CLIP4: variants seen among roughly 807,000 people sequenced by gnomAD.
The protein encoded by CLIP4 is CAP-Gly domain containing linker protein family member 4.
CLIP4 carries 47 observed loss-of-function variants against 73.1 expected under a neutral mutation model. The ratio of observed to expected loss-of-function variants is 0.64; its 90% CI spans 0.51 to 0.82. CLIP4 has a LOEUF of 0.82. CLIP4 is among the 40% of genes least tolerant of loss of function. The pLI, the probability that CLIP4 is intolerant of heterozygous loss-of-function variation, is 0.00. For synonymous variants in CLIP4, 306 were observed against 295.4 expected (o/e 1.04, Z -0.37); for missense variants, 874 against 852.9 (o/e 1.02, Z -0.31).
At chr2:29,111,514 G>A (rs1668386631), upstream of CLIP4, among the ~76,000 whole-genome samples, 1 of 152,228 alleles carries the variant, frequency 6.6e-6, no homozygotes, top group South Asian at 2.1e-4. Flanking sequence ...TTCCCACTCT[G>A]ATTACAAGTG....
At chr2:29,137,704 G>A (rs1299586113) in intron 6 of CLIP4, among the ~76,000 whole-genome samples, 7 of 151,948 alleles carry the variant, frequency 4.6e-5, no homozygotes, top group Non-Finnish European at 7.4e-5. Context: ...TTTTAATAAT[G>A]GCCATTCTGA....
intron 9 of CLIP4, among the ~76,000 whole-genome samples, chr2:29,154,068 T>G (rs555207075): frequency 6.6e-5 from 10 of 152,190 alleles, no homozygotes; most frequent in Non-Finnish European, 1.2e-4. Flanking sequence ...ATCTTTCTGT[T>G]TAATTAGGCC....
intron 6 of CLIP4, among the ~76,000 whole-genome samples, chr2:29,137,942 C>T (rs1216792492): frequency 6.6e-6 from 1 of 151,486 alleles, no homozygotes; most frequent in Non-Finnish European, 1.5e-5. Flanking sequence ...GTATTTTTAC[C>T]CATTCTGTAG....
chr2:29,146,625 C>T (rs913942749), intron 8 of CLIP4, among the ~76,000 whole-genome samples: 6 of 152,052 alleles, frequency 3.9e-5, no homozygotes, highest in East Asian at 1.9e-4. Context: ...TTGTTTTCCA[C>T]GATTGTGTAG....
At chr2:29,147,742 T>A (rs1666268285) in intron 8 of CLIP4, among the ~76,000 whole-genome samples, 1 of 152,202 alleles carries the variant, frequency 6.6e-6, no homozygotes, top group South Asian at 2.1e-4. Flanking sequence ...ACATACACAA[T>A]AAATTGTTGT....
At chr2:29,161,124 G>A (rs1255217399) in intron 12 of CLIP4, among the ~76,000 whole-genome samples, 7 of 152,066 alleles carry the variant, frequency 4.6e-5, no homozygotes, top group East Asian at 1.9e-4. Context: ...ACAGGCATGC[G>A]CCACCACGCC....
At position 29,182,064 on chromosome 2, in the gene CLIP4, T is replaced by A. The variant is rs1668674946; in HGVS notation, c.*171T>A. 1 of 486,826 alleles carries A rather than the reference T, an allele frequency of 2.1e-6. No homozygotes were observed. The highest frequency in any genetic ancestry group is 3.4e-5 in the East Asian group (1 of 29,654). The allele number at this position is 486,826 out of a possible 1,614,324, so 30.2% of individuals were successfully genotyped here. ...TCTTTACAAAGCCATGAATATGAAC[T>A]ATGGGGAATCATGGTTCTTTTAAAG... On this transcript the variant is annotated 3_prime_UTR_variant, in exon 16 of 16. Transcript: ENST00000320081.
At chr2:29,105,856 C>T (rs1440701714) in intron 1 of CLIP4, among the ~76,000 whole-genome samples, 1 of 152,196 alleles carries the variant, frequency 6.6e-6, no homozygotes, top group Non-Finnish European at 1.5e-5. Context: ...CTGCCAGTGC[C>T]TTGATCTTGG....
Position 29,101,107 on chromosome 2 carries a change from TG to T in CLIP4, c.-16+3162del, listed in dbSNP as rs1668029891. On this transcript the variant is annotated intron_variant, in intron 1 of 14. Transcript: ENST00000401605. The stretch of plus-strand genomic sequence containing the variant: ...GAGTTTGAGACCAGCATGGCCAACA[TG>T]GTGAAACCCTGTCTCTACTAAAAAT... Among the ~76,000 whole-genome samples the T allele has an allele frequency of 2.6e-5, 4 of 151,888 alleles. No homozygotes were observed. The South Asian group carries it at 8.3e-4, about 32-fold the overall frequency.
chr2:29,148,504 C>T (rs907370843), intron 8 of CLIP4, among the ~76,000 whole-genome samples: 4 of 152,128 alleles, frequency 2.6e-5, no homozygotes, highest in South Asian at 4.1e-4. Context: ...AAAGTGAATA[C>T]ATATACTTAG....
At chr2:29,169,222 C>T (rs1162993639) in intron 14 of CLIP4, among the ~76,000 whole-genome samples, 2 of 152,118 alleles carry the variant, frequency 1.3e-5, no homozygotes, top group Non-Finnish European at 2.9e-5. Context: ...TTCGGAGGCT[C>T]TAGAAGTCTG....
In CLIP4 at chr2:29,182,785, CT is replaced by C. The variant is rs1293312534; in HGVS notation, c.*896del. 6.6e-6 allele frequency: 1 copy of C among 152,636 alleles called. No individual in the cohort carries two copies. Among genetic ancestry groups the C allele is most frequent in the Non-Finnish European group, 1.5e-5 (1 of 68,036 alleles). 9.5% of individuals were successfully genotyped at this position (152,636 alleles called of 1,614,324 possible). A position where few individuals can be genotyped will look rare whatever the true frequency, so the allele number is the denominator to read the frequency against. On this transcript the variant is annotated 3_prime_UTR_variant, in exon 16 of 16. Transcript: ENST00000320081. ...GTTTGTAACACATAAACACAAAGCA[CT>C]TTTCAAACATGATGCACTTTTATCT... is the stretch of plus-strand genomic sequence containing the variant.
intron 8 of CLIP4, among the ~76,000 whole-genome samples, chr2:29,147,610 G>T (rs1365207767): frequency 1.3e-5 from 2 of 151,904 alleles, no homozygotes; most frequent in Admixed American, 1.3e-4. Flanking sequence ...ACCTATTTAT[G>T]GGGTACAGAA....
chr2:29,121,230 G>T lies in CLIP4; in HGVS notation c.-15-144G>T, dbSNP rs190172890. On this transcript the variant is annotated intron_variant, in intron 1 of 15. Transcript: ENST00000320081. ...CTTTTAACAACAGTTTTGCCAAAAG[G>T]AATTTTTTCCCTTTCATAAAAGATC... 1.0e-3 allele frequency: 821 copies of T among 817,492 alleles called. 4 individuals are homozygous for T. The African/African-American group carries it at 0.013, about 13-fold the overall frequency. The allele number at this position is 817,492 out of a possible 1,614,324, so 50.6% of individuals were successfully genotyped here.
rs1372937361 is a variant in CLIP4 at position 29,182,379 on chromosome 2, G to A, written c.*486G>A. The A allele has an allele frequency of 6.5e-6, 1 of 152,688 alleles. No individual in the cohort carries two copies. Among genetic ancestry groups the A allele is most frequent in the Non-Finnish European group, 1.5e-5 (1 of 68,110 alleles). The allele number at this position is 152,688 out of a possible 1,614,324, so 9.5% of individuals were successfully genotyped here. A position where few individuals can be genotyped will look rare whatever the true frequency, so the allele number is the denominator to read the frequency against. ...TGAGTGAGTAGTAGCTAGATGACTA[G>A]TATGTAGTTTTATATTTTGGTAAAA... On this transcript the variant is annotated 3_prime_UTR_variant, in exon 16 of 16. Transcript: ENST00000320081.
At chr2:29,152,047 A>G (rs1666608199) in intron 8 of CLIP4, among the ~76,000 whole-genome samples, 1 of 152,158 alleles carries the variant, frequency 6.6e-6, no homozygotes, top group African/African-American at 2.4e-5. Flanking sequence ...AGTCAGAAAG[A>G]TTTATTTTAT....
At chr2:29,104,914 C>CA (rs1477779884) in intron 1 of CLIP4, among the ~76,000 whole-genome samples, 1 of 152,132 alleles carries the variant, frequency 6.6e-6, no homozygotes, top group African/African-American at 2.4e-5. Flanking sequence ...GAGCGGGGTG[C>CA]AAGTGGGCGG....
chr2:29,136,369 C>T (rs1018716123), intron 6 of CLIP4, among the ~76,000 whole-genome samples: 2 of 152,024 alleles, frequency 1.3e-5, no homozygotes, highest in African/African-American at 4.8e-5. Flanking sequence ...TCCCATTTTC[C>T]CTACTTCTTT....
chr2:29,120,645 TG>T (rs1216126176), intron 1 of CLIP4, among the ~76,000 whole-genome samples: 2 of 152,190 alleles, frequency 1.3e-5, no homozygotes, highest in African/African-American at 4.8e-5. Flanking sequence ...TTCATAAGTT[TG>T]GTTTTACTAG....
Sources: gnomAD v4.1 joint callset for allele counts (sites outside exome capture counted in the v4.1 genomes callset) on GRCh38, gnomAD v4.1.1 for gene constraint, MANE v1.5 for transcripts, NCBI Gene and HGNC (gene_info 2026-07-23, HGNC 2026-07-21) for gene names.